OPA1: variants seen among roughly 807,000 people sequenced by gnomAD.
OPA1 encodes the protein dynamin-like GTPase OPA1, mitochondrial.
In OPA1, 59 loss-of-function variants were observed where a neutral mutation model predicts 152.9. That is an observed-to-expected ratio of 0.39 (90% CI 0.31 to 0.48). OPA1 has a LOEUF of 0.48. Among genes scored for constraint, OPA1 ranks in the 20% least tolerant of loss-of-function variants. The probability of loss-of-function intolerance (pLI) is 0.96; values close to 1 mark genes in which losing one functional copy is unlikely to be tolerated. For synonymous variants in OPA1, 400 were observed against 389.9 expected (o/e 1.03, Z -0.31); for missense variants, 1,008 against 1,216.8 (o/e 0.83, Z 2.55).
intron 1 of OPA1, among the ~76,000 whole-genome samples, chr3:193,602,652 T>C (rs761106211): frequency 6.6e-5 from 10 of 152,192 alleles, no homozygotes; most frequent in Non-Finnish European, 1.5e-4. Context: ...GGCAACTCAA[T>C]TGATTCAGTT....
intron 29 of OPA1, among the ~76,000 whole-genome samples, chr3:193,672,086 G>C (rs927376878): frequency 4.6e-5 from 7 of 152,176 alleles, no homozygotes; most frequent in Admixed American, 4.6e-4. Context: ...GATAAAATCT[G>C]TTTGGAGTCC....
intron 22 of OPA1, among the ~76,000 whole-genome samples, 181 bp downstream of exon 22, chr3:193,655,208 G>T (rs1713501781): frequency 6.6e-6 from 1 of 152,010 alleles, no homozygotes; most frequent in Admixed American, 6.6e-5. Context: ...AGTTACTACG[G>T]TTATAAAAAT....
chr3:193,618,674 A>G, intron 5 of OPA1, 195 bp from the exon 6 acceptor site: 1 of 567,746 alleles, frequency 1.8e-6, no homozygotes, highest in Admixed American at 3.1e-5. Context: ...CGATTGCTAT[A>G]GTTAGTTTTT....
intron 29 of OPA1, among the ~76,000 whole-genome samples, chr3:193,670,831 C>T (rs558887335): frequency 6.6e-5 from 10 of 152,154 alleles, no homozygotes; most frequent in Admixed American, 1.3e-4. Context: ...AGGAGAGGCT[C>T]TTCCAGGATT....
chr3:193,671,308 A>G (rs973177376), intron 29 of OPA1, among the ~76,000 whole-genome samples: 1 of 152,334 alleles, frequency 6.6e-6, no homozygotes, highest in African/African-American at 2.4e-5. Flanking sequence ...AGTACTTCTT[A>G]CCAAAGATGT....
chr3:193,633,104 ATATC>A (rs372463034), intron 8 of OPA1, among the ~76,000 whole-genome samples: 44 of 49,952 alleles, frequency 8.8e-4, no homozygotes, highest in African/African-American at 2.8e-3. Context: ...GAGTGGCACT[ATATC>A]TATGTTTTTA....
chr3:193,626,131 C>G lies in OPA1; in HGVS notation c.718C>G (p.Gln240Glu), dbSNP rs751085689. ...GELILLQQQI[Q>E]EHEEEARRAA... is the part of the protein sequence containing the mutation. The stretch of plus-strand genomic sequence containing the variant: ...GCTCATTCTCTTACAACAACAAATT[C>G]AAGAGCATGAAGAGGAAGCGCGCAG... The change falls in exon 7 of 31, where the codon CAA (glutamine) becomes GAA (glutamate). Residue 240 changes from glutamine to glutamate, a missense_variant. Gln to Glu is a conservative substitution (Grantham distance 29). Transcript: ENST00000361510. 1.2e-5 allele frequency: 19 copies of G among 1,614,046 alleles called. No homozygotes were observed. In the East Asian group the frequency reaches 3.8e-4, roughly 32 times the overall value.
chr3:193,674,947 T>G (rs1388397376), intron 29 of OPA1, among the ~76,000 whole-genome samples: 3 of 152,196 alleles, frequency 2.0e-5, no homozygotes, highest in African/African-American at 7.2e-5. Flanking sequence ...AGGTGATTCT[T>G]GCCATCCCCG....
At chr3:193,686,355 G>GCCT (rs1374166290) in intron 29 of OPA1, among the ~76,000 whole-genome samples, 1 of 120,458 alleles carries the variant, frequency 8.3e-6, no homozygotes, top group Non-Finnish European at 1.8e-5. Context: ...GTGAATTGAT[G>GCCT]CCTCCTTCTG....
At chr3:193,650,579 G>C (rs916487452) in intron 21 of OPA1, among the ~76,000 whole-genome samples, 1 of 152,098 alleles carries the variant, frequency 6.6e-6, no homozygotes, top group Non-Finnish European at 1.5e-5. Flanking sequence ...TCATAAGACT[G>C]TTTGATCTAT....
intron 29 of OPA1, among the ~76,000 whole-genome samples, chr3:193,679,873 A>G (rs1016937733): frequency 4.6e-5 from 7 of 152,152 alleles, no homozygotes; most frequent in African/African-American, 1.7e-4. Context: ...CTTAAAGGTG[A>G]TTTTCCAGTT....
intron 29 of OPA1, among the ~76,000 whole-genome samples, chr3:193,669,329 T>C (rs1301807888): frequency 2.0e-5 from 3 of 152,206 alleles, no homozygotes; most frequent in Admixed American, 1.3e-4. Flanking sequence ...TCGAGACATA[T>C]CTCATTTTAA....
intron 29 of OPA1, among the ~76,000 whole-genome samples, chr3:193,676,198 A>G (rs1404310496): frequency 1.3e-5 from 2 of 152,164 alleles, no homozygotes; most frequent in East Asian, 1.9e-4. Flanking sequence ...GAATGATTAT[A>G]TGATGTAGAA....
intron 1 of OPA1, chr3:193,603,635 T>G (rs1319953283): frequency 6.6e-6 from 1 of 152,226 alleles, no homozygotes; most frequent in Non-Finnish European, 1.5e-5. Flanking sequence ...CCGTAAATAT[T>G]TACTGACTTG....
At chr3:193,653,403 C>T (rs1484527761) in intron 21 of OPA1, among the ~76,000 whole-genome samples, 6 of 152,270 alleles carry the variant, frequency 3.9e-5, no homozygotes, top group African/African-American at 1.4e-4. Flanking sequence ...CAGGATATTT[C>T]TGCTACCCTG....
Position 193,614,779 on chromosome 3 carries a change from T to G in OPA1, c.89T>G (p.Leu30Arg). ...TCTGGAATAAAAGGAAGTTTACCACTACAAAAACTACATCTGGTTTCACGA... is the reference window on the plus strand; with the variant it reads ...TCTGGAATAAAAGGAAGTTTACCACGACAAAAACTACATCTGGTTTCACGA... ...HSSGIKGSLP[L>R]QKLHLVSRSI... The change falls in exon 2 of 31, where the codon CTA (leucine) becomes CGA (arginine). Residue 30 changes from leucine (L) to arginine (R), a missense_variant. Leu to Arg is a moderately radical substitution (Grantham distance 102, BLOSUM62 -2). This residue lies in a region of OPA1 where 408 missense variants were observed against 395.1 expected (regional missense o/e 1.03). Transcript: ENST00000361510. 1 of 1,614,088 alleles carries G rather than the reference T, an allele frequency of 6.2e-7. No homozygotes were observed. The highest frequency in any genetic ancestry group is 8.5e-7 in the Non-Finnish European group (1 of 1,179,914).
rs763881546 is a variant in OPA1, at chr3:193,643,463, T to C, written c.1377+19T>C. 1 of 1,607,020 alleles carries C rather than the reference T, an allele frequency of 6.2e-7. No individual in the cohort carries two copies. Among genetic ancestry groups the C allele is most frequent in the Non-Finnish European group, 8.5e-7 (1 of 1,173,620 alleles). ...GATTAATGTAAGTATATACAAAACA[T>C]GTATTTTATTTTATTCTTATTGTGT... is the stretch of plus-strand genomic sequence containing the variant. On this transcript the variant is annotated intron_variant, in intron 14 of 30. Transcript: ENST00000361510.
At position 193,605,230 on chromosome 3, in the gene OPA1, G is replaced by C. The variant is rs142954950; in HGVS notation, c.33-9493G>C. On this transcript the variant is annotated intron_variant, in intron 1 of 30. Transcript: ENST00000361510. ...TACTGTGGACAACTTGGAATCAGTG[G>C]GTACATTAGGTTATAAAGTATTAGG... 4.6e-3 allele frequency among the ~76,000 whole-genome samples: 694 copies of C among 152,246 alleles called. 4 individuals are homozygous for C. Among genetic ancestry groups the C allele is most frequent in the African/African-American group, 0.016 (665 of 41,524 alleles).
chr3:193,627,498 T>C (rs1427040561), intron 7 of OPA1, among the ~76,000 whole-genome samples: 1 of 152,228 alleles, frequency 6.6e-6, no homozygotes, highest in Non-Finnish European at 1.5e-5. Context: ...GAGCCACCTA[T>C]ACTTTAGTTT....
Sources: gnomAD v4.1 joint callset for allele counts (sites outside exome capture counted in the v4.1 genomes callset) on GRCh38, gnomAD v4.1.1 for gene constraint, gnomAD v4.1.1 regional missense constraint, MANE v1.5 for transcripts, NCBI Gene and HGNC (gene_info 2026-07-23, HGNC 2026-07-21) for gene names.